KIF1B: variants seen among roughly 807,000 people sequenced by gnomAD.
KIF1B encodes the protein kinesin-like protein KIF1B.
A neutral mutation model predicts 241.9 loss-of-function variants in KIF1B; 76 were observed. The ratio of observed to expected loss-of-function variants is 0.31; its 90% CI spans 0.26 to 0.38. The LOEUF (loss-of-function observed/expected upper bound fraction) is 0.38, where lower values mean the gene tolerates loss of function less well. Ranked by LOEUF, KIF1B falls within the 10% of genes least tolerant of loss-of-function variation. The pLI, the probability that KIF1B is intolerant of heterozygous loss-of-function variation, is 1.00. For synonymous variants in KIF1B, 750 were observed against 796.7 expected, an observed-to-expected ratio of 0.94 and a Z score of 0.99; for missense variants, 1,622 against 2,271.4, an observed-to-expected ratio of 0.71 and a Z score of 5.81.
chr1:10,324,333 T>C (rs1275787488), intron 25 of KIF1B, among the ~76,000 whole-genome samples: 3 of 152,246 alleles, frequency 2.0e-5, no homozygotes, highest in African/African-American at 7.2e-5. Context: ...TTTCATCATA[T>C]TTCTGTTACA....
chr1:10,338,776 G>A (rs774171766), intron 31 of KIF1B, among the ~76,000 whole-genome samples: 10 of 152,216 alleles, frequency 6.6e-5, no homozygotes, highest in Non-Finnish European at 1.3e-4. Context: ...AGGTATGGCT[G>A]CAGAGCACTG....
chr1:10,360,112 A>G (rs1638374965), intron 38 of KIF1B, among the ~76,000 whole-genome samples: 1 of 152,170 alleles, frequency 6.6e-6, no homozygotes, highest in South Asian at 2.1e-4. Flanking sequence ...CCCAGTTTCT[A>G]CCATTAATCC....
intron 40 of KIF1B, 122 bp downstream of exon 40, chr1:10,361,947 A>G (rs1416315257): frequency 8.8e-7 from 1 of 1,138,510 alleles, no homozygotes; most frequent in Non-Finnish European, 1.3e-6. Context: ...CATTTTGGTA[A>G]CTGACACCTG....
At chr1:10,376,104 G>A (rs529909097) in intron 48 of KIF1B, among the ~76,000 whole-genome samples, 3 of 152,122 alleles carry the variant, frequency 2.0e-5, no homozygotes, top group Admixed American at 6.6e-5. Flanking sequence ...CATCTGGCTT[G>A]AAAGGAAGTA....
chr1:10,235,934 T>C (rs1428242380), intron 2 of KIF1B, among the ~76,000 whole-genome samples: 25 of 151,132 alleles, frequency 1.7e-4, no homozygotes. Flanking sequence ...ATTGATGATA[T>C]TCCATTTAAG....
At chr1:10,336,026 A>C (rs535171710) in intron 28 of KIF1B, among the ~76,000 whole-genome samples, 2 of 152,214 alleles carry the variant, frequency 1.3e-5, no homozygotes, top group Non-Finnish European at 2.9e-5. Flanking sequence ...AGTATATGGA[A>C]GTCTCCTCCA....
rs748333335 is a variant in KIF1B, at chr1:10,336,636, TA to T, written c.3044-19del. 6.2e-7 allele frequency: 1 copy of T among 1,602,790 alleles called. No homozygotes were observed. Among genetic ancestry groups the T allele is most frequent in the East Asian group, 2.2e-5 (1 of 44,776 alleles). On this transcript the variant is annotated intron_variant, in intron 28 of 48. Transcript: ENST00000676179. ...CTGTGTAGTCTCACTCAATTCTTGC[TA>T]ATTTTTTTTTCTGCTTTAGCGGATG...
At chr1:10,272,517 TA>T in intron 9 of KIF1B, 1 of 634,230 alleles carries the variant, frequency 1.6e-6, no homozygotes, top group Admixed American at 2.3e-5. Flanking sequence ...CAAAAGTAAA[TA>T]TAGATCTGTA....
intron 5 of KIF1B, 89 bp from the exon 6 acceptor site, chr1:10,267,291 G>C: frequency 9.0e-7 from 1 of 1,114,896 alleles, no homozygotes; most frequent in Non-Finnish European, 1.4e-6. Context: ...GCCTCCCAAA[G>C]TGCTGGGATT....
chr1:10,252,101 G>A (rs561584583), intron 2 of KIF1B, among the ~76,000 whole-genome samples: 1 of 151,880 alleles, frequency 6.6e-6, no homozygotes, highest in Non-Finnish European at 1.5e-5. Flanking sequence ...GTGCAGTGGT[G>A]CAATCTCGGC....
intron 41 of KIF1B, among the ~76,000 whole-genome samples, chr1:10,363,574 T>A (rs548530109): frequency 5.9e-5 from 9 of 152,012 alleles, no homozygotes; most frequent in African/African-American, 2.2e-4. Flanking sequence ...GTGCCTGTAA[T>A]CCCAGCTACT....
intron 1 of KIF1B, among the ~76,000 whole-genome samples, chr1:10,224,959 T>A (rs1646891954): frequency 6.6e-6 from 1 of 152,126 alleles, no homozygotes; most frequent in Non-Finnish European, 1.5e-5. Context: ...CATCAGGCAT[T>A]AGATTCTCAT....
rs1176335745 is a variant in KIF1B, at chr1:10,326,485, C to A, written c.2924+126C>A. ...ACTCATGAATGCTCTTTTTCAAGTT[C>A]TCCAATACTTCAAGCTCTTAGTCAG... On this transcript the variant is annotated intron_variant, in intron 27 of 48. Transcript: ENST00000676179. The surrounding 1 kb of genome is among the most constrained non-coding windows in gnomAD (Gnocchi z 5.2). The A allele has an allele frequency of 8.1e-6, 10 of 1,241,006 alleles. No homozygotes were observed. Among genetic ancestry groups the A allele is most frequent in the African/African-American group, 4.4e-5 (3 of 67,904 alleles). 76.9% of individuals were successfully genotyped at this position (1,241,006 alleles called of 1,614,324 possible). A position where few individuals can be genotyped will look rare whatever the true frequency, so the allele number is the denominator to read the frequency against.
Position 10,377,621 on chromosome 1 carries a change from T to A in KIF1B, c.*1034T>A. ...GTGTTTCACTTTCTGGTGATAAACT[T>A]GATGGTCATTGTTATGATTAAGATA... is the stretch of plus-strand genomic sequence containing the variant. On this transcript the variant is annotated 3_prime_UTR_variant, in exon 49 of 49. Coordinates refer to ENST00000676179, the MANE Select transcript of KIF1B (RefSeq NM_001365951.3). The A allele has an allele frequency of 4.8e-6, 1 of 208,890 alleles. No individual in the cohort carries two copies. The highest frequency in any genetic ancestry group is 9.7e-6 in the Non-Finnish European group (1 of 102,722). 12.9% of individuals were successfully genotyped at this position (208,890 alleles called of 1,614,324 possible).
rs1449343446 is a variant in KIF1B, at chr1:10,272,247, G to A, written c.805G>A (p.Ala269Thr). The change falls in exon 9 of 49, where the codon GCA becomes ACA. Residue 269 changes from alanine (A) to threonine (T), a missense_variant. Ala to Thr is a moderately conservative substitution (Grantham distance 58). Coordinates refer to ENST00000676179, the MANE Select transcript of KIF1B (RefSeq NM_001365951.3). ...TATTTGGTATTTATTTTAGGAAGGA[G>A]CAAATATTAATAAGTCTCTTACAAC... ...GAKGTRLKEG[A>T]NINKSLTTLG... 1.3e-6 allele frequency: 2 copies of A among 1,588,004 alleles called. No homozygotes were observed. The highest frequency in any genetic ancestry group is 1.7e-5 in the Admixed American group (1 of 59,980).
chr1:10,364,100 A>C (rs1318505638), intron 41 of KIF1B, among the ~76,000 whole-genome samples: 1 of 152,082 alleles, frequency 6.6e-6, no homozygotes, highest in Non-Finnish European at 1.5e-5. Context: ...TAGAGGCTAA[A>C]GTTCTCTGTC....
chr1:10,305,320 A>G (rs1222416647), intron 22 of KIF1B: 1 of 1,046,978 alleles, frequency 9.6e-7, no homozygotes, highest in East Asian at 5.6e-5. Context: ...CAGAATATGT[A>G]TGAAATTTGT....
chr1:10,331,378 AC>A (rs967385170), intron 27 of KIF1B, among the ~76,000 whole-genome samples: 1 of 152,108 alleles, frequency 6.6e-6, no homozygotes, highest in Non-Finnish European at 1.5e-5. Flanking sequence ...TTTCATTCTT[AC>A]GTTTTTTTAC....
At chr1:10,267,273 C>T (rs1043968025) in intron 5 of KIF1B, 107 bp from the exon 6 acceptor site, 1 of 871,128 alleles carries the variant, frequency 1.1e-6, no homozygotes, top group African/African-American at 1.7e-5. Flanking sequence ...AGTGATCCGC[C>T]CTCCTTGGCC....
Sources: gnomAD v4.1 joint callset for allele counts (sites outside exome capture counted in the v4.1 genomes callset) on GRCh38, gnomAD v4.1.1 for gene constraint, Gnocchi (gnomAD v3.1) non-coding constraint, MANE v1.5 for transcripts, NCBI Gene and HGNC (gene_info 2026-07-23, HGNC 2026-07-21) for gene names.